Variants in CHCHD3 observed in about 807,000 individuals in gnomAD.
CHCHD3 encodes the protein coiled-coil-helix-coiled-coil-helix domain containing 3.
In CHCHD3, 20 loss-of-function variants were observed where a neutral mutation model predicts 38.2. The ratio of observed to expected loss-of-function variants is 0.52; its 90% CI spans 0.37 to 0.76. The LOEUF (loss-of-function observed/expected upper bound fraction) is 0.76, where lower values mean the gene tolerates loss of function less well. Ranked by LOEUF, CHCHD3 falls within the 30% of genes least tolerant of loss-of-function variation. The pLI is 0.00. For missense variants in CHCHD3, 245 were observed against 279.2 expected (o/e 0.88, Z 0.87); for synonymous variants, 82 against 100.0 (o/e 0.82, Z 1.07).
chr7:132,838,473 T>C lies in CHCHD3; in HGVS notation c.454-4A>G. On this transcript the variant is annotated splice_polypyrimidine_tract_variant and splice_region_variant and intron_variant, in intron 5 of 7. Coordinates refer to ENST00000262570, the MANE Select transcript of CHCHD3 (RefSeq NM_017812.4). ...TGACTCTGTAGAACTCTGAGCTCTG[T>C]GGACAAAGATTGATAGCAAAGGTTT... is the stretch of plus-strand genomic sequence containing the variant. 1.2e-6 allele frequency: 2 copies of C among 1,605,402 alleles called. No individual in the cohort carries two copies. The highest frequency in any genetic ancestry group is 2.2e-5 in the South Asian group (2 of 89,942).
intron 5 of CHCHD3, among the ~76,000 whole-genome samples, chr7:132,841,955 A>C (rs1482649001): frequency 6.6e-6 from 1 of 151,920 alleles, no homozygotes; most frequent in Non-Finnish European, 1.5e-5. Flanking sequence ...AAAATTAGCC[A>C]GGCGTGGTGG....
Position 133,053,057 on chromosome 7 carries a change from C to T in CHCHD3, c.169+17085G>A, listed in dbSNP as rs184132019. Among the ~76,000 whole-genome samples the T allele has an allele frequency of 1.8e-3, 267 of 152,326 alleles. 1 individual carries two copies. The highest frequency in any genetic ancestry group is 6.1e-3 in the African/African-American group (255 of 41,588). ...TGGCTTTGGCACACAGCTCCTATCA[C>T]TCTAAACTTCCTCCAAATTCACACG... On this transcript the variant is annotated intron_variant, in intron 2 of 7. Transcript: ENST00000262570.
rs144539611 is a variant in CHCHD3 at position 133,029,206 on chromosome 7, T to C, written c.170-4579A>G. Among the ~76,000 whole-genome samples, 91 of 152,342 alleles carry C rather than the reference T, an allele frequency of 6.0e-4. 1 individual carries two copies. The East Asian group carries it at 0.017, about 29-fold the overall frequency. On this transcript the variant is annotated intron_variant, in intron 2 of 7. Coordinates refer to ENST00000262570, the MANE Select transcript of CHCHD3 (RefSeq NM_017812.4). ...AATCATATATATTCAAGGTGAACTA[T>C]GTGATGATTTGATATGAATCATGTA...
intron 6 of CHCHD3, among the ~76,000 whole-genome samples, chr7:132,831,226 ATGT>A (rs1305006515): frequency 6.6e-6 from 1 of 152,152 alleles, no homozygotes; most frequent in African/African-American, 2.4e-5. Context: ...TGTTCAAGTA[ATGT>A]TGTTTTAATA....
At chr7:132,950,654 T>C (rs906463692) in intron 4 of CHCHD3, among the ~76,000 whole-genome samples, 3 of 152,202 alleles carry the variant, frequency 2.0e-5, no homozygotes, top group Non-Finnish European at 4.4e-5. Flanking sequence ...ATTAAATTTG[T>C]TATTTTTTAA....
At chr7:132,964,073 A>G (rs1026080165) in intron 4 of CHCHD3, among the ~76,000 whole-genome samples, 4 of 152,318 alleles carry the variant, frequency 2.6e-5, no homozygotes, top group African/African-American at 9.6e-5. Context: ...TAAATTTCTC[A>G]TAAAATTCAA....
chr7:132,818,605 C>G (rs1807266091), intron 6 of CHCHD3, among the ~76,000 whole-genome samples: 1 of 152,080 alleles, frequency 6.6e-6, no homozygotes, highest in Non-Finnish European at 1.5e-5. Context: ...AGACAGTTAC[C>G]TGACTTGAAG....
chr7:133,041,015 C>T (rs1292174834), intron 2 of CHCHD3, among the ~76,000 whole-genome samples: 2 of 152,186 alleles, frequency 1.3e-5, no homozygotes, highest in African/African-American at 4.8e-5. Context: ...AAATGTATTT[C>T]TGAAACTGTG....
chr7:132,952,476 G>C (rs575313815), intron 4 of CHCHD3, among the ~76,000 whole-genome samples: 1 of 152,302 alleles, frequency 6.6e-6, no homozygotes, highest in South Asian at 2.1e-4. Flanking sequence ...GATTTCATAA[G>C]AGCCAGTGAA....
chr7:132,983,173 A>C (rs976813524), intron 3 of CHCHD3, among the ~76,000 whole-genome samples: 3 of 152,028 alleles, frequency 2.0e-5, no homozygotes, highest in Non-Finnish European at 4.4e-5. Context: ...AATACAAAAA[A>C]TTAGCCAGGC....
chr7:132,932,450 G>C (rs1562912390), intron 4 of CHCHD3, among the ~76,000 whole-genome samples: 1 of 152,186 alleles, frequency 6.6e-6, no homozygotes, highest in Admixed American at 6.5e-5. Context: ...CAGACACTAA[G>C]ACAAAGCAAA....
rs1209198992 is a variant in CHCHD3 at position 132,860,894 on chromosome 7, G to A, written c.454-22425C>T. Among the ~76,000 whole-genome samples, 4 of 152,290 alleles carry A rather than the reference G, an allele frequency of 2.6e-5. No individual in the cohort carries two copies. In the East Asian group the frequency reaches 7.7e-4, roughly 29 times the overall value. ...CCGCCTCAGCCTCCCAAAGTGCTGG[G>A]AATACAGGCGTGAGCCACCACTCCC... On this transcript the variant is annotated intron_variant, in intron 5 of 7. Coordinates refer to ENST00000262570, the MANE Select transcript of CHCHD3 (RefSeq NM_017812.4).
At chr7:132,801,976 A>G (rs1345082369) in intron 6 of CHCHD3, among the ~76,000 whole-genome samples, 5 of 152,080 alleles carry the variant, frequency 3.3e-5, no homozygotes, top group African/African-American at 4.8e-5. Context: ...TAAAAGCCCT[A>G]AACCCAGGAA....
chr7:132,873,492 C>A (rs1166472177), intron 5 of CHCHD3, among the ~76,000 whole-genome samples: 1 of 150,942 alleles, frequency 6.6e-6, no homozygotes, highest in African/African-American at 2.4e-5. Context: ...CGGCTCCCTG[C>A]AACCTCTGCC....
chr7:132,906,735 AG>A (rs1456741483), intron 4 of CHCHD3, among the ~76,000 whole-genome samples: 8 of 152,170 alleles, frequency 5.3e-5, no homozygotes, highest in Non-Finnish European at 1.0e-4. Context: ...AAGACTGCCT[AG>A]CAGGTCTTTG....
At chr7:132,802,385 T>C (rs1206287611) in intron 6 of CHCHD3, among the ~76,000 whole-genome samples, 2 of 152,086 alleles carry the variant, frequency 1.3e-5, no homozygotes, top group Admixed American at 6.5e-5. Context: ...GAAAACCCTC[T>C]TGGGATCTTG....
chr7:132,827,831 G>A (rs554028530), intron 6 of CHCHD3, among the ~76,000 whole-genome samples: 44 of 152,232 alleles, frequency 2.9e-4, no homozygotes, highest in African/African-American at 9.4e-4. Context: ...AGATCCATCC[G>A]TGCTGTTACA....
At chr7:133,064,613 T>G (rs1205081396) in intron 2 of CHCHD3, among the ~76,000 whole-genome samples, 1 of 152,230 alleles carries the variant, frequency 6.6e-6, no homozygotes, top group Non-Finnish European at 1.5e-5. Flanking sequence ...AATTGGCTGT[T>G]TAGTTTAGGC....
intron 4 of CHCHD3, among the ~76,000 whole-genome samples, chr7:132,917,905 T>A (rs1456752108): frequency 6.9e-6 from 1 of 145,524 alleles, no homozygotes; most frequent in African/African-American, 2.5e-5. Context: ...CTTTTGAGCA[T>A]CAAATTATAT....
Sources: allele counts gnomAD v4.1 joint callset (sites outside exome capture counted in the v4.1 genomes callset), GRCh38; gene constraint gnomAD v4.1.1; transcripts MANE v1.5; gene names NCBI Gene and HGNC (gene_info 2026-07-23, HGNC 2026-07-21).